AEBP2: variants seen among roughly 807,000 people sequenced by gnomAD.
AEBP2 encodes the protein AE binding protein 2.
In AEBP2, 10 loss-of-function variants were observed where a neutral mutation model predicts 50.8. The observed-to-expected ratio is 0.20, with a 90% CI of 0.12 to 0.33. AEBP2 has a LOEUF of 0.33. Among genes scored for constraint, AEBP2 ranks in the 10% least tolerant of loss-of-function variants. The pLI is 1.00. For synonymous variants in AEBP2, 296 were observed against 261.3 expected (o/e 1.13, Z -1.28); for missense variants, 570 against 688.0 (o/e 0.83, Z 1.92).
At chr12:19,455,109 T>C (rs1948243929) in intron 1 of AEBP2, among the ~76,000 whole-genome samples, 1 of 151,888 alleles carries the variant, frequency 6.6e-6, no homozygotes, top group African/African-American at 2.4e-5. Flanking sequence ...AATCCTCACC[T>C]TAGCCTCCTG....
chr12:19,442,709 G>A (rs903375256), intron 1 of AEBP2, among the ~76,000 whole-genome samples: 2 of 152,154 alleles, frequency 1.3e-5, no homozygotes. Context: ...CCATTTCAGG[G>A]TAATAGATTT....
At chr12:19,476,520 T>G (rs964068084) in intron 3 of AEBP2, among the ~76,000 whole-genome samples, 5 of 125,266 alleles carry the variant, frequency 4.0e-5, no homozygotes, top group Non-Finnish European at 8.1e-5. Flanking sequence ...TTTTAAATTT[T>G]TAGTAGAGAC....
chr12:19,438,576 TACAA>T (rs147475156), upstream of AEBP2, among the ~76,000 whole-genome samples: 2,774 of 152,326 alleles, frequency 0.018, 34 homozygotes, highest in Non-Finnish European at 0.03. Flanking sequence ...GTTTAGTACT[TACAA>T]ACATTTGAAA....
rs1379272812 is a variant in AEBP2 at position 19,518,265 on chromosome 12, T to C, written c.*148T>C. The C allele has an allele frequency of 6.0e-6, 8 of 1,333,972 alleles. No homozygotes were observed. In the African/African-American group the frequency reaches 1.1e-4, roughly 18 times the overall value. 82.6% of individuals were successfully genotyped at this position (1,333,972 alleles called of 1,614,324 possible). A position where few individuals can be genotyped will look rare whatever the true frequency, so the allele number is the denominator to read the frequency against. ...AATCCAGTATTTAGGATAATATTTATGCTTAGTGTAAACATTCTGTGAATG... is the reference window on the plus strand; with the variant it reads ...AATCCAGTATTTAGGATAATATTTACGCTTAGTGTAAACATTCTGTGAATG... On this transcript the variant is annotated 3_prime_UTR_variant, in exon 8 of 8. Transcript: ENST00000266508.
chr12:19,456,914 G>T (rs1948279535), intron 1 of AEBP2: 2 of 1,442,906 alleles, frequency 1.4e-6, no homozygotes, highest in South Asian at 1.2e-5. Context: ...TTGTTAGTTG[G>T]ATGAGTTGGT....
chr12:19,494,623 G>A (rs1465313979), intron 4 of AEBP2, among the ~76,000 whole-genome samples: 1 of 149,806 alleles, frequency 6.7e-6, no homozygotes, highest in Non-Finnish European at 1.5e-5. Flanking sequence ...TCAGGTGATT[G>A]CCTGTCTCGG....
intron 1 of AEBP2, chr12:19,440,727 G>GGT (rs1947941295): frequency 6.5e-7 from 1 of 1,533,442 alleles, no homozygotes; most frequent in Non-Finnish European, 8.7e-7. Context: ...CGGTACTCAA[G>GGT]GTTAGCTTCT....
At chr12:19,405,209 G>A (rs754064091) in intron 1 of AEBP2, among the ~76,000 whole-genome samples, 2 of 152,050 alleles carry the variant, frequency 1.3e-5, no homozygotes, top group Admixed American at 6.6e-5. Flanking sequence ...GGTTACAGGC[G>A]TGAGCCACCT....
chr12:19,431,019 A>AAG (rs1479393329), intron 1 of AEBP2, among the ~76,000 whole-genome samples: 1 of 150,574 alleles, frequency 6.6e-6, no homozygotes, highest in East Asian at 1.9e-4. Context: ...CTAAAAAAAA[A>AAG]AAAAAGAAAA....
At chr12:19,441,551 C>G (rs1168779570) in intron 1 of AEBP2, among the ~76,000 whole-genome samples, 1 of 152,076 alleles carries the variant, frequency 6.6e-6, no homozygotes, top group Non-Finnish European at 1.5e-5. Context: ...TCTAGGAATT[C>G]TGATTAATTG....
At chr12:19,469,693 T>C (rs1307176248) in intron 2 of AEBP2, among the ~76,000 whole-genome samples, 1 of 152,202 alleles carries the variant, frequency 6.6e-6, no homozygotes, top group African/African-American at 2.4e-5. Context: ...GCCATCATCT[T>C]GCCTCAGCCT....
chr12:19,504,454 A>G (rs1565735278), intron 5 of AEBP2, among the ~76,000 whole-genome samples: 1 of 151,452 alleles, frequency 6.6e-6, no homozygotes, highest in Non-Finnish European at 1.5e-5. Context: ...GTTAGCAAGG[A>G]TGCTCTCGAT....
intron 1 of AEBP2, 195 bp downstream of exon 1, chr12:19,440,565 C>A (rs1436470414): frequency 5.7e-6 from 8 of 1,408,798 alleles, no homozygotes; most frequent in Non-Finnish European, 7.4e-6. Context: ...TTCCAACTCT[C>A]AAACCGTTCC....
At chr12:19,433,814 A>G (rs1375572664) in intron 1 of AEBP2, among the ~76,000 whole-genome samples, 1 of 151,856 alleles carries the variant, frequency 6.6e-6, no homozygotes, top group Non-Finnish European at 1.5e-5. Context: ...AAAAAAAAAA[A>G]GTATAAACTC....
At chr12:19,435,849 G>A (rs1419569043), upstream of AEBP2, among the ~76,000 whole-genome samples, 1 of 152,146 alleles carries the variant, frequency 6.6e-6, no homozygotes, top group East Asian at 1.9e-4. Flanking sequence ...GCTTAACACA[G>A]TGTCTGGCAC....
Position 19,439,775 on chromosome 12 carries a change from G to T in AEBP2, c.76G>T (p.Gly26Cys). 2.0e-6 allele frequency: 3 copies of T among 1,516,806 alleles called. No homozygotes were observed. The highest frequency in any genetic ancestry group is 1.8e-6 in the Non-Finnish European group (2 of 1,138,934). The allele number at this position is 1,516,806 out of a possible 1,614,324, so 94.0% of individuals were successfully genotyped here. A position where few individuals can be genotyped will look rare whatever the true frequency, so the allele number is the denominator to read the frequency against. The part of the protein sequence containing the change: ...RLSPLPPGSP[G>C]SAARGRAEPP... ...GAGCCCTCTGCCCCCCGGCAGCCCG[G>T]GTTCGGCGGCGCGGGGCCGGGCTGA... The change falls in exon 1 of 8, where the codon GGT becomes TGT. Residue 26 changes from glycine (G) to cysteine (C), a missense_variant. By Grantham distance (159) the Gly-to-Cys change is radical. This residue lies in a region of AEBP2 where 386 missense variants were observed against 336.8 expected (regional missense o/e 1.15). Transcript: ENST00000266508.
In AEBP2 at chr12:19,457,475, C is replaced by A. The variant is rs542235073; in HGVS notation, c.672-5035C>A. On this transcript the variant is annotated intron_variant, in intron 1 of 7. Transcript: ENST00000266508. ...GCTCAGCTTTCAGTTTATCCAAGAC[C>A]CAGGCCTACTTGAAGGAGCCCTTTC... 8.0e-6 allele frequency: 12 copies of A among 1,508,540 alleles called. No homozygotes were observed. In the East Asian group the frequency reaches 2.7e-4, roughly 34 times the overall value. 93.4% of individuals were successfully genotyped at this position (1,508,540 alleles called of 1,614,324 possible).
chr12:19,442,787 A>G (rs576671643), intron 1 of AEBP2, among the ~76,000 whole-genome samples: 2 of 152,288 alleles, frequency 1.3e-5, no homozygotes, highest in South Asian at 2.1e-4. Flanking sequence ...ATTCTGAAAC[A>G]TCTTCTTGTT....
chr12:19,427,989 C>G (rs1462983103), intron 1 of AEBP2, among the ~76,000 whole-genome samples: 1 of 152,052 alleles, frequency 6.6e-6, no homozygotes, highest in East Asian at 1.9e-4. Context: ...GTAATCCCAG[C>G]ACTTTTAGAG....
Sources: allele counts gnomAD v4.1 joint callset (sites outside exome capture counted in the v4.1 genomes callset), GRCh38; gene constraint gnomAD v4.1.1; regional missense constraint gnomAD v4.1.1; transcripts MANE v1.5; gene names NCBI Gene and HGNC (gene_info 2026-07-23, HGNC 2026-07-21).